FBXO17: variants seen among roughly 807,000 people sequenced by gnomAD.
The protein encoded by FBXO17 is F-box only protein 17.
FBXO17 carries 43 observed loss-of-function variants against 34.1 expected under a neutral mutation model. That is an observed-to-expected ratio of 1.26 (90% CI 0.99 to 1.62). The LOEUF is 1.62. FBXO17 is among the 40% of genes most tolerant of loss of function. The pLI is 0.00. For missense variants in FBXO17, 424 were observed against 386.7 expected (o/e 1.10, Z -0.81); for synonymous variants, 169 against 166.0 (o/e 1.02, Z -0.14).
rs1975449143 is a variant in FBXO17, at chr19:38,975,486, G to A, written c.-18+100C>T. ...CCAGGGACCCGCCCCTCCGGGCAGGGCCTGGCGCGGGAATCCTTCCCGGGG... is the reference window on the plus strand; with the variant it reads ...CCAGGGACCCGCCCCTCCGGGCAGGACCTGGCGCGGGAATCCTTCCCGGGG... On this transcript the variant is annotated intron_variant, in intron 1 of 5. Coordinates refer to ENST00000292852, the MANE Select transcript of FBXO17 (RefSeq NM_024907.7). This position sits in a 1 kb window ranked among gnomAD's most constrained non-coding sequence, Gnocchi z 4.9. 6.6e-6 allele frequency: 1 copy of A among 152,272 alleles called. No individual in the cohort carries two copies. Among genetic ancestry groups the A allele is most frequent in the Non-Finnish European group, 1.5e-5 (1 of 68,092 alleles). 9.4% of individuals were successfully genotyped at this position (152,272 alleles called of 1,614,324 possible).
chr19:38,966,859 G>A (rs1426177088), intron 1 of FBXO17, among the ~76,000 whole-genome samples: 1 of 152,080 alleles, frequency 6.6e-6, no homozygotes, highest in Non-Finnish European at 1.5e-5. Flanking sequence ...AAATCTATAT[G>A]CAAAAAGATG....
intron 1 of FBXO17, among the ~76,000 whole-genome samples, chr19:38,968,455 C>T (rs1297524539): frequency 6.7e-6 from 1 of 149,460 alleles, no homozygotes; most frequent in Non-Finnish European, 1.5e-5. Flanking sequence ...CACCACCCTC[C>T]AGCTTGGGAG....
At chr19:38,970,910 GGTCAACATA>G (rs1724394146) in intron 1 of FBXO17, among the ~76,000 whole-genome samples, 1 of 151,938 alleles carries the variant, frequency 6.6e-6, no homozygotes, top group African/African-American at 2.4e-5. Context: ...AGACCAGCCT[GGTCAACATA>G]GTGAAACCCA....
At chr19:38,950,861 G>C (rs777579716) in intron 1 of FBXO17, among the ~76,000 whole-genome samples, 4 of 151,934 alleles carry the variant, frequency 2.6e-5, no homozygotes, top group Admixed American at 6.6e-5. Context: ...GCACGATCTT[G>C]GCACATTGCA....
At chr19:38,949,421 A>G (rs1456726150) in intron 2 of FBXO17, among the ~76,000 whole-genome samples, 4 of 151,222 alleles carry the variant, frequency 2.6e-5, no homozygotes, top group Non-Finnish European at 5.9e-5. Context: ...TTTTTTAGAG[A>G]CAGAGTCTCA....
At chr19:38,972,416 G>A (rs1230939808) in intron 1 of FBXO17, among the ~76,000 whole-genome samples, 2 of 151,896 alleles carry the variant, frequency 1.3e-5, no homozygotes, top group Non-Finnish European at 2.9e-5. Flanking sequence ...GTGGTGGCAC[G>A]CACCTGTAAT....
At chr19:38,965,259 C>A (rs1266658487) in intron 1 of FBXO17, among the ~76,000 whole-genome samples, 1 of 152,090 alleles carries the variant, frequency 6.6e-6, no homozygotes, top group Admixed American at 6.6e-5. Context: ...CATGGGCATG[C>A]AACCTGTGCG....
chr19:38,972,183 T>A (rs1377587181), intron 1 of FBXO17, among the ~76,000 whole-genome samples: 1 of 151,942 alleles, frequency 6.6e-6, no homozygotes, highest in Non-Finnish European at 1.5e-5. Flanking sequence ...CCCCACTGGG[T>A]AGTAAGAGAA....
At chr19:38,943,465 G>T (rs948160715) in intron 5 of FBXO17, among the ~76,000 whole-genome samples, 8 of 151,814 alleles carry the variant, frequency 5.3e-5, no homozygotes, top group Non-Finnish European at 1.0e-4. Context: ...GTAGAGACGG[G>T]GGTTTTGCCA....
chr19:38,970,216 A>AT (rs374051610), intron 1 of FBXO17, among the ~76,000 whole-genome samples: 72 of 150,514 alleles, frequency 4.8e-4, no homozygotes, highest in East Asian at 4.7e-3. Flanking sequence ...AAAAAAAAAA[A>AT]TTTTTTTTTG....
intron 1 of FBXO17, among the ~76,000 whole-genome samples, chr19:38,955,872 T>G (rs1975160256): frequency 6.6e-6 from 1 of 152,134 alleles, no homozygotes; most frequent in South Asian, 2.1e-4. Context: ...AAAATGGGGC[T>G]GCTAACGGTG....
At chr19:38,961,684 C>G (rs1057161658) in intron 1 of FBXO17, among the ~76,000 whole-genome samples, 2 of 150,740 alleles carry the variant, frequency 1.3e-5, no homozygotes, top group Non-Finnish European at 3.0e-5. Flanking sequence ...GTTTTTGAGA[C>G]GTAGTATTGC....
chr19:38,952,903 C>A (rs1183446793), intron 1 of FBXO17: 2 of 453,130 alleles, frequency 4.4e-6, no homozygotes, highest in Admixed American at 4.7e-5. Flanking sequence ...ATCCTTCCAA[C>A]CCACTGTGAT....
intron 1 of FBXO17, among the ~76,000 whole-genome samples, chr19:38,954,166 TGTGTGG>T (rs1975128020): frequency 6.6e-6 from 1 of 151,948 alleles, no homozygotes; most frequent in Admixed American, 6.6e-5. Context: ...TCACTCAAGC[TGTGTGG>T]GTGCAGGCAC....
chr19:38,966,518 T>A (rs1010974325), intron 1 of FBXO17, among the ~76,000 whole-genome samples: 2 of 152,130 alleles, frequency 1.3e-5, no homozygotes. Context: ...TAGCTAGTCC[T>A]GGGAACACTT....
At chr19:38,974,065 T>C (rs1442539361) in intron 1 of FBXO17, among the ~76,000 whole-genome samples, 4 of 147,950 alleles carry the variant, frequency 2.7e-5, no homozygotes, top group African/African-American at 9.9e-5. Context: ...TATACACACA[T>C]ATATATATGT....
chr19:38,967,334 A>AGAGGCTGAGG (rs1233744183), intron 1 of FBXO17, among the ~76,000 whole-genome samples: 1 of 152,024 alleles, frequency 6.6e-6, no homozygotes, highest in Non-Finnish European at 1.5e-5. Context: ...TAGCTACACA[A>AGAGGCTGAGG]GAGGCTGAGG....
rs563025243 is a variant in FBXO17, at chr19:38,969,649, T to C, written c.-18+5937A>G. On this transcript the variant is annotated intron_variant, in intron 1 of 5. Coordinates refer to ENST00000292852, the MANE Select transcript of FBXO17 (RefSeq NM_024907.7). ...TCTCACTCTATCGCCCAGGCTGGAG[T>C]GCAGTGGCATGATCTCGACTCACTG... Among the ~76,000 whole-genome samples, 170 of 136,548 alleles carry C rather than the reference T, an allele frequency of 1.2e-3. 1 individual carries two copies. Among genetic ancestry groups the C allele is most frequent in the African/African-American group, 4.5e-3 (160 of 35,374 alleles). 89.6% of individuals were successfully genotyped at this position (136,548 alleles called of 152,430 possible).
Position 38,962,326 on chromosome 19 carries a change from G to C in FBXO17, c.-17-11990C>G, listed in dbSNP as rs568039536. On this transcript the variant is annotated intron_variant, in intron 1 of 5. Coordinates refer to ENST00000292852, the MANE Select transcript of FBXO17 (RefSeq NM_024907.7). ...AGACGTTGTAGGAGGAAAGGGTTTG[G>C]CTTCCAGTTTCCAGACTTGGCTCCT... Among the ~76,000 whole-genome samples the C allele has an allele frequency of 2.6e-3, 400 of 152,250 alleles. 4 individuals are homozygous for C. The highest frequency in any genetic ancestry group is 9.1e-3 in the African/African-American group (380 of 41,540).
Sources: gnomAD v4.1 joint callset for allele counts (sites outside exome capture counted in the v4.1 genomes callset) on GRCh38, gnomAD v4.1.1 for gene constraint, Gnocchi (gnomAD v3.1) non-coding constraint, MANE v1.5 for transcripts, NCBI Gene and HGNC (gene_info 2026-07-23, HGNC 2026-07-21) for gene names.